ASXL3: variants seen among roughly 807,000 people sequenced by gnomAD.
The protein encoded by ASXL3 is ASXL transcriptional regulator 3, also known as putative Polycomb group protein ASXL3.
In ASXL3, 34 loss-of-function variants were observed where a neutral mutation model predicts 170.6. That is an observed-to-expected ratio of 0.20 (90% CI 0.15 to 0.27). The LOEUF (loss-of-function observed/expected upper bound fraction) is 0.27, where lower values mean the gene tolerates loss of function less well. Ranked by LOEUF, ASXL3 falls within the 10% of genes least tolerant of loss-of-function variation. The probability of loss-of-function intolerance (pLI) is 1.00; values close to 1 mark genes in which losing one functional copy is unlikely to be tolerated. For synonymous variants in ASXL3, 1,002 were observed against 989.1 expected (o/e 1.01, Z -0.24); for missense variants, 2,592 against 2,695.3 (o/e 0.96, Z 0.85).
intron 2 of ASXL3, among the ~76,000 whole-genome samples, chr18:33,629,682 G>A (rs2145169234): frequency 6.6e-6 from 1 of 151,992 alleles, no homozygotes; most frequent in East Asian, 1.9e-4. Context: ...TGTCTGGTTG[G>A]AACATTGATA....
chr18:33,711,537 T>C (rs1241263140), intron 8 of ASXL3, among the ~76,000 whole-genome samples: 1 of 152,216 alleles, frequency 6.6e-6, no homozygotes, highest in Non-Finnish European at 1.5e-5. Context: ...TGGTTATTAT[T>C]TAATTAAATG....
intron 8 of ASXL3, among the ~76,000 whole-genome samples, chr18:33,689,632 A>T (rs1461460765): frequency 6.6e-6 from 1 of 152,224 alleles, no homozygotes; most frequent in Non-Finnish European, 1.5e-5. Flanking sequence ...GGAGAAATAC[A>T]GTAAATGATG....
At chr18:33,587,064 C>T (rs1278113825) in intron 1 of ASXL3, among the ~76,000 whole-genome samples, 1 of 152,160 alleles carries the variant, frequency 6.6e-6, no homozygotes, top group East Asian at 1.9e-4. Flanking sequence ...CCAAATCTTA[C>T]TGAAGCTGTA....
chr18:33,652,603 C>CAAAAAAAAAAAAAAAAAAAAAAA (rs554834298), intron 4 of ASXL3, among the ~76,000 whole-genome samples: 12 of 112,300 alleles, frequency 1.1e-4, no homozygotes, highest in African/African-American at 1.7e-4. Flanking sequence ...TCTGTTGGGG[C>CAAAAAAAAAAAAAAAAAAAAAAA]AAAAAAAAAA....
intron 1 of ASXL3, among the ~76,000 whole-genome samples, chr18:33,589,688 T>C (rs1195317592): frequency 6.6e-6 from 1 of 152,200 alleles, no homozygotes; most frequent in Non-Finnish European, 1.5e-5. Context: ...CTTAGTGTCA[T>C]AGCCTCCTTT....
intron 8 of ASXL3, among the ~76,000 whole-genome samples, chr18:33,691,872 G>T (rs2066691677): frequency 6.6e-6 from 1 of 152,168 alleles, no homozygotes; most frequent in African/African-American, 2.4e-5. Flanking sequence ...CAGTAATAAT[G>T]ATTATGTATA....
rs761371098 is a variant in ASXL3, at chr18:33,745,862, C to T, written c.6014C>T (p.Thr2005Ile). Residue 2005 changes from threonine to isoleucine, a missense_variant, in exon 12 of 12, where the codon ACT becomes ATT. Physicochemically the swap from Thr to Ile is moderately conservative, Grantham distance 89. Transcript: ENST00000269197. The stretch of plus-strand genomic sequence containing the variant: ...AAAGAAGGTGATGAGGTGGGAGGCA[C>T]TGCACACACAATGCCAAACAAAGCA... ...PMKEGDEVGG[T>I]AHTMPNKALV... 2 of 1,613,724 alleles carry T rather than the reference C, an allele frequency of 1.2e-6. No individual in the cohort carries two copies. Among genetic ancestry groups the T allele is most frequent in the African/African-American group, 2.7e-5 (2 of 74,894 alleles).
intron 4 of ASXL3, among the ~76,000 whole-genome samples, chr18:33,653,250 C>T (rs879669796): frequency 2.0e-5 from 3 of 151,976 alleles, no homozygotes; most frequent in Admixed American, 6.6e-5. Context: ...TCTACATGAT[C>T]GTGGAGAAAG....
At chr18:33,705,542 A>G (rs1211966062) in intron 8 of ASXL3, among the ~76,000 whole-genome samples, 1 of 151,834 alleles carries the variant, frequency 6.6e-6, no homozygotes, top group Non-Finnish European at 1.5e-5. Context: ...AATATATGCC[A>G]AACTACAGGT....
chr18:33,596,435 G>A (rs2065127552), intron 1 of ASXL3, among the ~76,000 whole-genome samples: 1 of 151,992 alleles, frequency 6.6e-6, no homozygotes. Context: ...TCTATAGTCA[G>A]GAGAAAAGAA....
intron 2 of ASXL3, among the ~76,000 whole-genome samples, chr18:33,624,728 G>A (rs1418888431): frequency 6.6e-6 from 1 of 152,102 alleles, no homozygotes; most frequent in Admixed American, 6.6e-5. Context: ...ATGGAAATTT[G>A]GAGAAGAGAC....
intron 4 of ASXL3, among the ~76,000 whole-genome samples, chr18:33,650,505 A>G (rs775109505): frequency 3.9e-5 from 6 of 152,100 alleles, no homozygotes; most frequent in Non-Finnish European, 7.4e-5. Flanking sequence ...GTTTTCAGAG[A>G]AAATATGGAG....
At chr18:33,713,338 T>TCCCC (rs1294772302) in intron 8 of ASXL3, among the ~76,000 whole-genome samples, 1 of 62,866 alleles carries the variant, frequency 1.6e-5, no homozygotes, top group Non-Finnish European at 2.8e-5. Flanking sequence ...CACTGCAACC[T>TCCCC]CCACCCCCCC....
rs78198561 is a variant in ASXL3, at chr18:33,729,896, G to A, written c.880-2072G>A. On this transcript the variant is annotated intron_variant, in intron 8 of 11. Transcript: ENST00000269197. ...CAAGAGATGTCCCAGGGAATCCCCA[G>A]CGTTCCCAACACCCTTCTGTCCATC... is the stretch of plus-strand genomic sequence containing the variant. Among the ~76,000 whole-genome samples, 302 of 152,174 alleles carry A rather than the reference G, an allele frequency of 2.0e-3. 2 individuals are homozygous for A. The highest frequency in any genetic ancestry group is 7.0e-3 in the African/African-American group (292 of 41,552).
chr18:33,586,717 G>A (rs1233896044), intron 1 of ASXL3, among the ~76,000 whole-genome samples: 1 of 151,990 alleles, frequency 6.6e-6, no homozygotes, highest in Non-Finnish European at 1.5e-5. Context: ...TCTCTGATGA[G>A]GATGTCAGCC....
chr18:33,626,021 G>C (rs900364285), intron 2 of ASXL3: 2 of 152,008 alleles, frequency 1.3e-5, no homozygotes, highest in Non-Finnish European at 2.9e-5. Flanking sequence ...AAAAGTTCCA[G>C]TTGTCACTAT....
At chr18:33,702,753 TG>T (rs1032215676) in intron 8 of ASXL3, among the ~76,000 whole-genome samples, 4 of 152,176 alleles carry the variant, frequency 2.6e-5, no homozygotes, top group Non-Finnish European at 4.4e-5. Context: ...AGGTTTTCAA[TG>T]GTCACAGCAA....
In ASXL3 at chr18:33,745,917, C is replaced by G; in HGVS notation, c.6069C>G (p.Pro2023=). ...TACATCCGCCGCCGCCACCGCCTCC[C>G]CCTCCCCCTCCACCCTTGGCTTTGC... ...ALVHPPPPPP[P]PPPPPLALPP... is the part of the protein sequence containing the mutation. Residue 2023 remains proline (P), a synonymous_variant, in exon 12 of 12, where the codon CCC becomes CCG. Coordinates refer to ENST00000269197, the MANE Select transcript of ASXL3 (RefSeq NM_030632.3). 1.9e-6 allele frequency: 3 copies of G among 1,579,414 alleles called. No individual in the cohort carries two copies. The highest frequency in any genetic ancestry group is 2.6e-6 in the Non-Finnish European group (3 of 1,165,716).
chr18:33,725,375 A>T (rs1376788364), intron 8 of ASXL3, among the ~76,000 whole-genome samples: 1 of 152,044 alleles, frequency 6.6e-6, no homozygotes, highest in African/African-American at 2.4e-5. Flanking sequence ...CTGCAAACAC[A>T]TTCTTCCCTT....
Sources: allele counts gnomAD v4.1 joint callset (sites outside exome capture counted in the v4.1 genomes callset), GRCh38; gene constraint gnomAD v4.1.1; transcripts MANE v1.5; gene names NCBI Gene and HGNC (gene_info 2026-07-23, HGNC 2026-07-21).